KCNQ1: variants seen among roughly 807,000 people sequenced by gnomAD.
KCNQ1 encodes potassium voltage-gated channel subfamily Q member 1.
In KCNQ1, 49 loss-of-function variants were observed where a neutral mutation model predicts 72.4. The observed-to-expected ratio is 0.68, with a 90% CI of 0.54 to 0.86. The LOEUF (loss-of-function observed/expected upper bound fraction) is 0.86, where lower values mean the gene tolerates loss of function less well. Ranked by LOEUF, KCNQ1 falls within the 40% of genes least tolerant of loss-of-function variation. The pLI, the probability that KCNQ1 is intolerant of heterozygous loss-of-function variation, is 0.00. For missense variants in KCNQ1, 790 were observed against 945.1 expected (o/e 0.84, Z 2.15); for synonymous variants, 450 against 412.6 (o/e 1.09, Z -1.10).
rs967491148 is a variant in KCNQ1 at position 2,720,366 on chromosome 11, TAC to T, written c.1515-48476_1515-48475del. On this transcript the variant is annotated intron_variant, in intron 11 of 15. Transcript: ENST00000155840. The surrounding 1 kb of genome is among the most constrained non-coding windows in gnomAD (Gnocchi z 5.1). ...GCTCAGCCGCCTTCCGGGGCCCGGC[TAC>T]AGTCAGGCCTCCTTCGTGCTGAGCA... 6.6e-5 allele frequency among the ~76,000 whole-genome samples: 10 copies of T among 152,176 alleles called. No homozygotes were observed. The highest frequency in any genetic ancestry group is 2.4e-4 in the African/African-American group (10 of 41,444).
At chr11:2,829,771 G>A (rs1233808989) in intron 15 of KCNQ1, among the ~76,000 whole-genome samples, 3 of 152,154 alleles carry the variant, frequency 2.0e-5, no homozygotes, top group African/African-American at 7.2e-5. Context: ...AGTCGGTAGG[G>A]TTGAAGGGCT....
At chr11:2,699,613 G>GGGACAACCGCGCCGA (rs1481703658) in intron 11 of KCNQ1, 4 of 352,860 alleles carry the variant, frequency 1.1e-5, no homozygotes, top group Non-Finnish European at 2.0e-5. Context: ...GAGGCCCCCG[G>GGGACAACCGCGCCGA]AGAGAACCGC....
chr11:2,531,488 A>G (rs916742348), intron 2 of KCNQ1, among the ~76,000 whole-genome samples: 4 of 152,114 alleles, frequency 2.6e-5, no homozygotes, highest in African/African-American at 9.7e-5. Context: ...CTGTGCCCCC[A>G]GGGAAGCCTC....
rs185532162 is a variant in KCNQ1 at position 2,572,760 on chromosome 11, G to T, written c.781-86G>T. On this transcript the variant is annotated intron_variant, in intron 5 of 15. Coordinates refer to ENST00000155840, the MANE Select transcript of KCNQ1 (RefSeq NM_000218.3). ...GAGCGGCGTAGGACGCCCAGTGATC[G>T]CTGGGACTCGCTGCCTTAGGCGTCT... 1,178 of 1,567,258 alleles carry T rather than the reference G, an allele frequency of 7.5e-4. 2 individuals carry two copies. Among genetic ancestry groups the T allele is most frequent in the Admixed American group, 1.4e-3 (81 of 58,058 alleles).
Position 2,784,410 on chromosome 11 carries a change from A to G in KCNQ1, c.1794+6373A>G, listed in dbSNP as rs189436313. On this transcript the variant is annotated intron_variant, in intron 15 of 15. Coordinates refer to ENST00000155840, the MANE Select transcript of KCNQ1 (RefSeq NM_000218.3). This position sits in a 1 kb window ranked among gnomAD's most constrained non-coding sequence, Gnocchi z 4.7. ...ATATGCCTTTCTGTAAACCCATACTATACTGTCTTGATTATTGTAGGTTTA... is the reference window on the plus strand; with the variant it reads ...ATATGCCTTTCTGTAAACCCATACTGTACTGTCTTGATTATTGTAGGTTTA... 8.0e-4 allele frequency among the ~76,000 whole-genome samples: 122 copies of G among 152,012 alleles called. No individual in the cohort carries two copies. Among genetic ancestry groups the G allele is most frequent in the Admixed American group, 1.4e-3 (22 of 15,280 alleles).
chr11:2,651,174 C>A lies in KCNQ1; in HGVS notation c.1394-10787C>A. The A allele has an allele frequency of 2.5e-6, 1 of 398,494 alleles. No homozygotes were observed. Among genetic ancestry groups the A allele is most frequent in the South Asian group, 1.3e-4 (1 of 7,822 alleles). 24.7% of individuals were successfully genotyped at this position (398,494 alleles called of 1,614,324 possible). A position where few individuals can be genotyped will look rare whatever the true frequency, so the allele number is the denominator to read the frequency against. On this transcript the variant is annotated intron_variant, in intron 10 of 15. Coordinates refer to ENST00000155840, the MANE Select transcript of KCNQ1 (RefSeq NM_000218.3). The surrounding 1 kb of genome is among the most constrained non-coding windows in gnomAD (Gnocchi z 6.1). ...ATGTACAGTGGATCTTGCTGCTTCCCTACTCAAATGTTCCGACAGCTTCCT... is the reference window on the plus strand; with the variant it reads ...ATGTACAGTGGATCTTGCTGCTTCCATACTCAAATGTTCCGACAGCTTCCT...
chr11:2,747,773 T>C (rs1590066302), intron 11 of KCNQ1, among the ~76,000 whole-genome samples: 1 of 151,404 alleles, frequency 6.6e-6, no homozygotes. Flanking sequence ...GGAGTGGGGG[T>C]CATGGGGGCA....
In KCNQ1 at chr11:2,652,863, T is replaced by C. The variant is rs1590007974; in HGVS notation, c.1394-9098T>C. 2 of 398,710 alleles carry C rather than the reference T, an allele frequency of 5.0e-6. No individual in the cohort carries two copies. The highest frequency in any genetic ancestry group is 3.6e-5 in the East Asian group (1 of 28,084). 24.7% of individuals were successfully genotyped at this position (398,710 alleles called of 1,614,324 possible). ...TGTATGCTGAGGCTTGCTATACTTATTCTAAGGAGAAGTGTTTGGGGTGTG... is the reference window on the plus strand; with the variant it reads ...TGTATGCTGAGGCTTGCTATACTTACTCTAAGGAGAAGTGTTTGGGGTGTG... On this transcript the variant is annotated intron_variant, in intron 10 of 15. Transcript: ENST00000155840. The surrounding 1 kb of genome is among the most constrained non-coding windows in gnomAD (Gnocchi z 5.9).
intron 11 of KCNQ1, chr11:2,662,337 T>C: frequency 1.7e-6 from 1 of 574,192 alleles, no homozygotes; most frequent in Non-Finnish European, 3.1e-6. Flanking sequence ...TTCCACTTGT[T>C]TTCATGCTTT....
In KCNQ1 at chr11:2,525,360, G is replaced by C. The variant is rs574123460; in HGVS notation, c.387-2568G>C. ...GGGCTCCCCACAGGGTTGGCCCGGA[G>C]GCTCCAGCTGTGTCTGTTGAACAAA... On this transcript the variant is annotated intron_variant, in intron 1 of 15. Coordinates refer to ENST00000155840, the MANE Select transcript of KCNQ1 (RefSeq NM_000218.3). Among the ~76,000 whole-genome samples, 4 of 152,350 alleles carry C rather than the reference G, an allele frequency of 2.6e-5. No homozygotes were observed. In the South Asian group the frequency reaches 8.3e-4, roughly 32 times the overall value.
chr11:2,821,203 G>A (rs995141072), intron 15 of KCNQ1, among the ~76,000 whole-genome samples: 26 of 152,220 alleles, frequency 1.7e-4, no homozygotes, highest in African/African-American at 6.3e-4. Flanking sequence ...GGCGGACACC[G>A]AAGCCTGGTG....
chr11:2,661,673 G>A lies in KCNQ1; in HGVS notation c.1394-288G>A. ...GAACATGGGAAGAGGCCCAGAACCT[G>A]AGGTGGGGAGAGTCTTGGACACCTG... On this transcript the variant is annotated intron_variant, in intron 10 of 15. Transcript: ENST00000155840. This position sits in a 1 kb window ranked among gnomAD's most constrained non-coding sequence, Gnocchi z 5.9. 3 of 597,774 alleles carry A rather than the reference G, an allele frequency of 5.0e-6. No homozygotes were observed. The highest frequency in any genetic ancestry group is 8.9e-6 in the Non-Finnish European group (3 of 335,212). 37.0% of individuals were successfully genotyped at this position (597,774 alleles called of 1,614,324 possible).
At position 2,808,891 on chromosome 11, in the gene KCNQ1, CAATGGGTGGGTA is replaced by C. The variant is rs1300273955; in HGVS notation, c.1794+30855_1794+30866del. On this transcript the variant is annotated intron_variant, in intron 15 of 15. Transcript: ENST00000155840. This position sits in a 1 kb window ranked among gnomAD's most constrained non-coding sequence, Gnocchi z 6.0. ...ATGGATGGATGGATGAACACATGGA[CAATGGGTGGGTA>C]GATGGGTGAATAGATGGGTGGACAG... is the stretch of plus-strand genomic sequence containing the variant. Among the ~76,000 whole-genome samples the C allele has an allele frequency of 6.6e-6, 1 of 151,660 alleles. No homozygotes were observed. Among genetic ancestry groups the C allele is most frequent in the East Asian group, 1.9e-4 (1 of 5,154 alleles).
At chr11:2,699,663 C>T (rs1460579084) in intron 11 of KCNQ1, 2 of 355,604 alleles carry the variant, frequency 5.6e-6, no homozygotes, top group Non-Finnish European at 1.0e-5. Flanking sequence ...GAAGAACCCC[C>T]GGGGAGAACC....
In KCNQ1 at chr11:2,600,769, T is replaced by C. The variant is rs1242826752; in HGVS notation, c.1393+11915T>C. ...GATGTGTCTCTTCAGTCTTGTTTAA[T>C]CTGGAACATTTCTAGTCTCTTTCTC... On this transcript the variant is annotated intron_variant, in intron 10 of 15. Coordinates refer to ENST00000155840, the MANE Select transcript of KCNQ1 (RefSeq NM_000218.3). The surrounding 1 kb of genome is among the most constrained non-coding windows in gnomAD (Gnocchi z 5.6). Among the ~76,000 whole-genome samples, 1 of 152,196 alleles carries C rather than the reference T, an allele frequency of 6.6e-6. No homozygotes were observed. The highest frequency in any genetic ancestry group is 1.9e-4 in the East Asian group (1 of 5,194).
At chr11:2,667,384 G>A (rs1850096530) in intron 11 of KCNQ1, 2 of 398,692 alleles carry the variant, frequency 5.0e-6, no homozygotes, top group South Asian at 1.3e-4. Context: ...CCCTGCCCCA[G>A]TGCACTCTGG....
In KCNQ1 at chr11:2,841,510, A is replaced by C. The variant is rs1358872091; in HGVS notation, c.1795-6257A>C. Among the ~76,000 whole-genome samples the C allele has an allele frequency of 3.3e-5, 5 of 152,138 alleles. No individual in the cohort carries two copies. The East Asian group carries it at 9.7e-4, about 29-fold the overall frequency. On this transcript the variant is annotated intron_variant, in intron 15 of 15. Transcript: ENST00000155840. Reference sequence around the variant, plus strand: ...TCAGAGCACATGCTCCAGACCAGAGAGCCACAGACACCAGGTGCACACCAG... The same window carrying C: ...TCAGAGCACATGCTCCAGACCAGAGCGCCACAGACACCAGGTGCACACCAG...
chr11:2,536,557 A>G lies in KCNQ1; in HGVS notation c.477+8539A>G, dbSNP rs939758433. 2.6e-5 allele frequency among the ~76,000 whole-genome samples: 4 copies of G among 152,072 alleles called. No homozygotes were observed. Among genetic ancestry groups the G allele is most frequent in the Non-Finnish European group, 4.4e-5 (3 of 68,004 alleles). On this transcript the variant is annotated intron_variant, in intron 2 of 15. Transcript: ENST00000155840. This position sits in a 1 kb window ranked among gnomAD's most constrained non-coding sequence, Gnocchi z 7.4. The stretch of plus-strand genomic sequence containing the variant: ...GTCGGGAGGGTAACATGTGATTTTG[A>G]GGCCACCCGCTACAGCTTCTTGGGA...
chr11:2,460,993 C>T (rs899410403), intron 1 of KCNQ1, among the ~76,000 whole-genome samples: 18 of 152,246 alleles, frequency 1.2e-4, no homozygotes, highest in South Asian at 2.1e-4. Context: ...CCTGGGTTTC[C>T]GGGGGTGTCC....
Sources: allele counts gnomAD v4.1 joint callset (sites outside exome capture counted in the v4.1 genomes callset), GRCh38; gene constraint gnomAD v4.1.1; non-coding constraint Gnocchi (gnomAD v3.1); transcripts MANE v1.5; gene names NCBI Gene and HGNC (gene_info 2026-07-23, HGNC 2026-07-21).